The following B3GALT1 variants were observed in gnomAD, a reference collection of about 807,000 sequenced individuals.
B3GALT1 encodes UDP-Gal:betaGlcNAc beta 1,3-galactosyltransferase, polypeptide 1.
A neutral mutation model predicts 23.2 loss-of-function variants in B3GALT1; 10 were observed. The observed-to-expected ratio is 0.43, with a 90% CI of 0.27 to 0.73. The LOEUF (loss-of-function observed/expected upper bound fraction) is 0.73. B3GALT1 is among the 30% of genes least tolerant of loss of function. The pLI, the probability that B3GALT1 is intolerant of heterozygous loss-of-function variation, is 0.21. For missense variants in B3GALT1, 299 were observed against 405.4 expected (o/e 0.74, Z 2.25); for synonymous variants, 156 against 141.5 (o/e 1.10, Z -0.73).
At chr2:167,825,863 C>T (rs1363221155) in intron 4 of B3GALT1, among the ~76,000 whole-genome samples, 1 of 152,184 alleles carries the variant, frequency 6.6e-6, no homozygotes, top group African/African-American at 2.4e-5. Context: ...ATTCAATATC[C>T]ACTGTGAGGT....
chr2:167,446,946 T>C (rs1699006740), intron 1 of B3GALT1, among the ~76,000 whole-genome samples: 1 of 152,230 alleles, frequency 6.6e-6, no homozygotes, highest in African/African-American at 2.4e-5. Context: ...CTGTGATTTT[T>C]AGAATTTTCA....
intron 2 of B3GALT1, among the ~76,000 whole-genome samples, chr2:167,549,402 A>G (rs1028584518): frequency 1.3e-5 from 2 of 152,194 alleles, no homozygotes; most frequent in African/African-American, 2.4e-5. Context: ...CTGCTGCCTC[A>G]CAATCATAAA....
At chr2:167,682,433 G>A (rs1686548595) in intron 3 of B3GALT1, among the ~76,000 whole-genome samples, 1 of 152,108 alleles carries the variant, frequency 6.6e-6, no homozygotes, top group Non-Finnish European at 1.5e-5. Flanking sequence ...AAGTTAAAAT[G>A]CTCTGCCCTC....
chr2:167,650,240 C>A (rs565738910), intron 3 of B3GALT1, among the ~76,000 whole-genome samples: 1 of 149,166 alleles, frequency 6.7e-6, no homozygotes, highest in Admixed American at 6.7e-5. Context: ...ATTGTTGAAC[C>A]ACCCTTGCAT....
At chr2:167,802,439 A>G (rs545119610) in intron 3 of B3GALT1, among the ~76,000 whole-genome samples, 1 of 152,314 alleles carries the variant, frequency 6.6e-6, no homozygotes, top group Admixed American at 6.5e-5. Flanking sequence ...GTAATATTTG[A>G]ATGCATGATT....
intron 1 of B3GALT1, among the ~76,000 whole-genome samples, chr2:167,455,928 A>G (rs1316884613): frequency 1.3e-5 from 2 of 152,314 alleles, no homozygotes; most frequent in East Asian, 3.9e-4. Flanking sequence ...CAACCAACAC[A>G]TATATAATCA....
chr2:167,323,577 T>A (rs1426956928), intron 1 of B3GALT1, among the ~76,000 whole-genome samples: 1 of 150,650 alleles, frequency 6.6e-6, no homozygotes, highest in African/African-American at 2.4e-5. Context: ...GTTGAAAGAG[T>A]GATAGAGCTT....
chr2:167,736,155 T>C (rs1352916300), intron 3 of B3GALT1, among the ~76,000 whole-genome samples: 1 of 152,156 alleles, frequency 6.6e-6, no homozygotes, highest in East Asian at 1.9e-4. Flanking sequence ...ACAGCGTCAA[T>C]CCCAAATCCA....
intron 3 of B3GALT1, among the ~76,000 whole-genome samples, chr2:167,723,668 C>G (rs975441300): frequency 6.6e-6 from 1 of 151,902 alleles, no homozygotes; most frequent in African/African-American, 2.4e-5. Flanking sequence ...GTAACTGGGA[C>G]TACAGGTGCA....
At chr2:167,388,834 A>G (rs1217160449) in intron 1 of B3GALT1, among the ~76,000 whole-genome samples, 1 of 152,176 alleles carries the variant, frequency 6.6e-6, no homozygotes, top group African/African-American at 2.4e-5. Context: ...TAAGAATACA[A>G]TAGCAATTCT....
At chr2:167,511,791 T>C (rs1008772223) in intron 2 of B3GALT1, among the ~76,000 whole-genome samples, 1 of 152,106 alleles carries the variant, frequency 6.6e-6, no homozygotes, top group Non-Finnish European at 1.5e-5. Flanking sequence ...GTCATCTAAA[T>C]AGAAGATGAA....
chr2:167,829,344 C>T (rs1407344731), intron 4 of B3GALT1, among the ~76,000 whole-genome samples: 1 of 151,678 alleles, frequency 6.6e-6, no homozygotes. Context: ...TTAGCTGGGC[C>T]TGGTGGCGGG....
intron 1 of B3GALT1, among the ~76,000 whole-genome samples, chr2:167,330,635 A>G (rs1056829229): frequency 2.0e-5 from 3 of 151,762 alleles, no homozygotes; most frequent in Non-Finnish European, 2.9e-5. Flanking sequence ...AAAAATACAG[A>G]TATGTTTTGT....
chr2:167,337,403 C>T (rs1697077067), intron 1 of B3GALT1, among the ~76,000 whole-genome samples: 1 of 152,050 alleles, frequency 6.6e-6, no homozygotes, highest in Non-Finnish European at 1.5e-5. Context: ...CACACACCCA[C>T]ACACACCACA....
intron 1 of B3GALT1, among the ~76,000 whole-genome samples, chr2:167,351,066 C>T (rs189201831): frequency 2.7e-4 from 41 of 152,054 alleles, no homozygotes; most frequent in African/African-American, 8.7e-4. Flanking sequence ...GTCAGGAGTT[C>T]GGGAGCAGTC....
intron 1 of B3GALT1, among the ~76,000 whole-genome samples, chr2:167,449,110 AT>A (rs747763501): frequency 6.6e-6 from 1 of 151,436 alleles, no homozygotes; most frequent in Non-Finnish European, 1.5e-5. Context: ...GAATTTTAGG[AT>A]TTTTTTTCTA....
At chr2:167,525,528 C>T (rs1441472830) in intron 2 of B3GALT1, among the ~76,000 whole-genome samples, 1 of 151,924 alleles carries the variant, frequency 6.6e-6, no homozygotes, top group South Asian at 2.1e-4. Flanking sequence ...TATGGACTTA[C>T]GTATATTATA....
chr2:167,442,040 C>T (rs1427914632), intron 1 of B3GALT1, among the ~76,000 whole-genome samples: 1 of 151,688 alleles, frequency 6.6e-6, no homozygotes, highest in East Asian at 1.9e-4. Context: ...TCCCCCCACC[C>T]CACCACATTC....
At chr2:167,621,089 CTTTTT>C (rs35420239) in intron 2 of B3GALT1, among the ~76,000 whole-genome samples, 1 of 129,194 alleles carries the variant, frequency 7.7e-6, no homozygotes. Context: ...TTTTTCAGTT[CTTTTT>C]TTTTTTTTTT....
Sources: allele counts gnomAD v4.1 joint callset (sites outside exome capture counted in the v4.1 genomes callset), GRCh38; gene constraint gnomAD v4.1.1; transcripts MANE v1.5; gene names NCBI Gene and HGNC (gene_info 2026-07-23, HGNC 2026-07-21).